MLLT10: variants seen among roughly 807,000 people sequenced by gnomAD.
The protein encoded by MLLT10 is protein AF-10.
A neutral mutation model predicts 129.1 loss-of-function variants in MLLT10; 30 were observed. The observed-to-expected ratio is 0.23, with a 90% CI of 0.17 to 0.32. The LOEUF is 0.32. Ranked by LOEUF, MLLT10 falls within the 10% of genes least tolerant of loss-of-function variation. The pLI, the probability that MLLT10 is intolerant of heterozygous loss-of-function variation, is 1.00. For synonymous variants in MLLT10, 490 were observed against 446.4 expected (o/e 1.10, Z -1.23); for missense variants, 1,119 against 1,268.3 (o/e 0.88, Z 1.79).
At chr10:21,619,797 C>T (rs1010552847) in intron 8 of MLLT10, among the ~76,000 whole-genome samples, 2 of 152,036 alleles carry the variant, frequency 1.3e-5, no homozygotes, top group Non-Finnish European at 2.9e-5. Flanking sequence ...GCTTGCTTGG[C>T]TTGGGAATAT....
At chr10:21,632,195 T>G (rs2047073669) in intron 8 of MLLT10, among the ~76,000 whole-genome samples, 1 of 152,186 alleles carries the variant, frequency 6.6e-6, no homozygotes, top group Non-Finnish European at 1.5e-5. Flanking sequence ...AACAGTAATA[T>G]AGTGTGCATC....
intron 5 of MLLT10, among the ~76,000 whole-genome samples, chr10:21,598,678 A>T (rs900170643): frequency 3.3e-5 from 5 of 152,174 alleles, no homozygotes; most frequent in Non-Finnish European, 4.4e-5. Context: ...TGAGGTCCAG[A>T]GTTCGAAACC....
intron 9 of MLLT10, among the ~76,000 whole-genome samples, chr10:21,659,434 A>T (rs2049943860): frequency 6.6e-6 from 1 of 152,096 alleles, no homozygotes; most frequent in African/African-American, 2.4e-5. Flanking sequence ...AAGGAAAAAT[A>T]GCAATTCAGT....
chr10:21,582,311 G>A (rs1045475449), intron 3 of MLLT10, among the ~76,000 whole-genome samples: 1 of 151,742 alleles, frequency 6.6e-6, no homozygotes, highest in African/African-American at 2.4e-5. Context: ...GTAGAGATAG[G>A]GTTTCACCAT....
At chr10:21,625,901 A>G in intron 8 of MLLT10, 1 of 782,590 alleles carries the variant, frequency 1.3e-6, no homozygotes, top group Non-Finnish European at 2.4e-6. Flanking sequence ...AAGGGGCACC[A>G]ACTCATCCTC....
intron 3 of MLLT10, chr10:21,556,642 G>T: frequency 1.2e-6 from 2 of 1,607,216 alleles, no homozygotes; most frequent in Non-Finnish European, 8.5e-7. Flanking sequence ...TTGCTTTTCA[G>T]ATGGTATGCA....
intron 5 of MLLT10, among the ~76,000 whole-genome samples, chr10:21,604,669 C>T (rs2043882860): frequency 6.6e-6 from 1 of 152,074 alleles, no homozygotes; most frequent in Non-Finnish European, 1.5e-5. Context: ...AATGGTGGGA[C>T]AGGTGAAGAA....
chr10:21,667,546 T>C (rs2131366100), intron 9 of MLLT10, among the ~76,000 whole-genome samples: 1 of 152,198 alleles, frequency 6.6e-6, no homozygotes, highest in East Asian at 1.9e-4. Flanking sequence ...ACTCATTCTT[T>C]TGGTGATTTA....
intron 13 of MLLT10, among the ~76,000 whole-genome samples, chr10:21,705,095 C>T (rs764902826): frequency 7.2e-5 from 11 of 152,148 alleles, no homozygotes; most frequent in East Asian, 5.8e-4. Context: ...GTAGGTTGGA[C>T]GGTTCTCGGG....
At chr10:21,631,741 A>G (rs1015567683) in intron 8 of MLLT10, among the ~76,000 whole-genome samples, 2 of 152,102 alleles carry the variant, frequency 1.3e-5, no homozygotes, top group African/African-American at 4.8e-5. Flanking sequence ...TTATCAGGAG[A>G]ACAGCAAGGG....
intron 4 of MLLT10, among the ~76,000 whole-genome samples, chr10:21,593,926 TAAAA>T (rs61561146): frequency 2.9e-4 from 13 of 45,426 alleles, no homozygotes; most frequent in East Asian, 1.4e-3. Flanking sequence ...GCTTTGTCTT[TAAAA>T]AAAAAAAAAA....
chr10:21,695,023 T>C (rs1255936760), intron 13 of MLLT10, among the ~76,000 whole-genome samples: 2 of 151,526 alleles, frequency 1.3e-5, no homozygotes, highest in Non-Finnish European at 1.5e-5. Flanking sequence ...CATCTCTCAC[T>C]TTCTCTTCTG....
intron 3 of MLLT10, among the ~76,000 whole-genome samples, chr10:21,539,941 A>G (rs2034810075): frequency 1.3e-5 from 2 of 150,308 alleles, no homozygotes; most frequent in South Asian, 4.2e-4. Context: ...CAAGACTCTC[A>G]GGAAAGGAAA....
intron 3 of MLLT10, among the ~76,000 whole-genome samples, chr10:21,578,840 A>G (rs1361072031): frequency 6.6e-6 from 1 of 152,152 alleles, no homozygotes; most frequent in Non-Finnish European, 1.5e-5. Flanking sequence ...TGTGTGTTGG[A>G]ACTATGTATA....
At chr10:21,638,570 G>A (rs2131287122) in intron 8 of MLLT10, among the ~76,000 whole-genome samples, 1 of 152,130 alleles carries the variant, frequency 6.6e-6, no homozygotes, top group East Asian at 1.9e-4. Context: ...GGCTGAGCAC[G>A]GTGGCTTATG....
rs1833791350 is a variant in MLLT10 at position 21,742,366 on chromosome 10, C to G, written c.*383C>G. The G allele has an allele frequency of 4.2e-6, 1 of 240,592 alleles. No individual in the cohort carries two copies. The highest frequency in any genetic ancestry group is 8.1e-6 in the Non-Finnish European group (1 of 123,912). The allele number at this position is 240,592 out of a possible 1,614,324, so 14.9% of individuals were successfully genotyped here. On this transcript the variant is annotated 3_prime_UTR_variant, in exon 23 of 23. Transcript: ENST00000307729. ...ACTAAATACTTGCTCCATTTACAAACTACTTGATTTTATTGTACAAGTTGA... is the reference window on the plus strand; with the variant it reads ...ACTAAATACTTGCTCCATTTACAAAGTACTTGATTTTATTGTACAAGTTGA...
chr10:21,688,384 CA>C (rs2053508638), intron 13 of MLLT10: 1 of 891,554 alleles, frequency 1.1e-6, no homozygotes, highest in African/African-American at 1.7e-5. Flanking sequence ...GATCCACCCC[CA>C]CACTGCACCC....
chr10:21,722,532 C>T (rs990944854), intron 14 of MLLT10, among the ~76,000 whole-genome samples: 1 of 152,028 alleles, frequency 6.6e-6, no homozygotes, highest in African/African-American at 2.4e-5. Context: ...CTTCATAACC[C>T]TTATTTCTTT....
chr10:21,680,788 A>G (rs972746766), intron 11 of MLLT10, among the ~76,000 whole-genome samples: 1 of 151,978 alleles, frequency 6.6e-6, no homozygotes, highest in South Asian at 2.1e-4. Flanking sequence ...CCTGGCCAAC[A>G]TGGTGAAACC....
Sources: allele counts gnomAD v4.1 joint callset (sites outside exome capture counted in the v4.1 genomes callset), GRCh38; gene constraint gnomAD v4.1.1; transcripts MANE v1.5; gene names NCBI Gene and HGNC (gene_info 2026-07-23, HGNC 2026-07-21).